The following SUGT1 variants were observed in gnomAD, a reference collection of about 807,000 sequenced individuals.
SUGT1 encodes protein SGT1 homolog.
SUGT1 carries 15 observed loss-of-function variants against 56.1 expected under a neutral mutation model. The observed-to-expected ratio is 0.27, with a 90% CI of 0.18 to 0.41. The LOEUF is 0.41. Among genes scored for constraint, SUGT1 ranks in the 10% least tolerant of loss-of-function variants. The probability of loss-of-function intolerance (pLI) is 1.00; values close to 1 mark genes in which losing one functional copy is unlikely to be tolerated. For missense variants in SUGT1, 347 were observed against 382.2 expected, an observed-to-expected ratio of 0.91 and a Z score of 0.77; for synonymous variants, 123 against 128.6, an observed-to-expected ratio of 0.96 and a Z score of 0.30.
intron 9 of SUGT1, among the ~76,000 whole-genome samples, chr13:52,666,268 G>T (rs1458624326): frequency 3.9e-5 from 6 of 151,988 alleles, no homozygotes; most frequent in Non-Finnish European, 7.4e-5. Context: ...GTAGAAACGG[G>T]GTTTCACCAT....
At chr13:52,654,603 T>G (rs1040623822) in intron 2 of SUGT1, among the ~76,000 whole-genome samples, 1 of 152,260 alleles carries the variant, frequency 6.6e-6, no homozygotes, top group African/African-American at 2.4e-5. Flanking sequence ...GTAATTCTTC[T>G]TACTGTCCTG....
At chr13:52,676,953 A>G (rs1252729525) in intron 11 of SUGT1, among the ~76,000 whole-genome samples, 1 of 152,220 alleles carries the variant, frequency 6.6e-6, no homozygotes, top group African/African-American at 2.4e-5. Flanking sequence ...CTAGTGGACA[A>G]ATTCACAGCA....
chr13:52,683,317 C>T (rs59538785), intron 12 of SUGT1, among the ~76,000 whole-genome samples: 2,343 of 152,166 alleles, frequency 0.015, 62 homozygotes, highest in African/African-American at 0.053. Flanking sequence ...TTATCATTAA[C>T]TTTCAATATT....
At chr13:52,675,923 A>ATTC (rs1335076441) in intron 10 of SUGT1, among the ~76,000 whole-genome samples, 1 of 152,144 alleles carries the variant, frequency 6.6e-6, no homozygotes, top group African/African-American at 2.4e-5. Flanking sequence ...ACATGGCTAA[A>ATTC]TGTCCCCTGG....
rs558512220 is a variant in SUGT1 at position 52,700,786 on chromosome 13, T to G, written c.*12951T>G. 1 of 152,280 alleles carries G rather than the reference T, an allele frequency of 6.6e-6. No homozygotes were observed. The highest frequency in any genetic ancestry group is 2.4e-5 in the African/African-American group (1 of 41,550). 9.4% of individuals were successfully genotyped at this position (152,280 alleles called of 1,614,324 possible). ...GTGACCATTTTTATAAAATACATGT[T>G]CATAAAACAGATCAACATATTTAGC... On this transcript the variant is annotated 3_prime_UTR_variant, in exon 13 of 13. Transcript: ENST00000310528.
intron 10 of SUGT1, 146 bp downstream of exon 10, chr13:52,667,065 TA>T: frequency 1.7e-6 from 1 of 587,854 alleles, no homozygotes; most frequent in Non-Finnish European, 2.9e-6. Context: ...CTTTTGAGTA[TA>T]AGGGTTATTT....
At chr13:52,687,641 TA>T in intron 12 of SUGT1, 92 bp from the exon 13 acceptor site, 1 of 855,906 alleles carries the variant, frequency 1.2e-6, no homozygotes, top group East Asian at 2.8e-5. Context: ...TAATAGCCAA[TA>T]TTTGGGGCTC....
Position 52,689,872 on chromosome 13 carries a change from G to A in SUGT1, c.*2037G>A, listed in dbSNP as rs752822881. On this transcript the variant is annotated 3_prime_UTR_variant, in exon 13 of 13. Transcript: ENST00000310528. ...TAGTCCCAGCTACTTGGGAGGCTCA[G>A]GCAGGGAGAATTGCTTGAACCGGGA... 1 of 152,042 alleles carries A rather than the reference G, an allele frequency of 6.6e-6. No individual in the cohort carries two copies. The highest frequency in any genetic ancestry group is 2.1e-4 in the South Asian group (1 of 4,814). 9.4% of individuals were successfully genotyped at this position (152,042 alleles called of 1,614,324 possible).
At chr13:52,674,235 A>G (rs1209974886) in intron 10 of SUGT1, among the ~76,000 whole-genome samples, 2 of 151,918 alleles carry the variant, frequency 1.3e-5, no homozygotes, top group African/African-American at 2.4e-5. Flanking sequence ...TATTTTTAGT[A>G]GAGACAGGGT....
chr13:52,686,117 G>A (rs1963579362), intron 12 of SUGT1, among the ~76,000 whole-genome samples: 1 of 151,904 alleles, frequency 6.6e-6, no homozygotes, highest in African/African-American at 2.4e-5. Flanking sequence ...TAGTAGAGAT[G>A]GAGTTTCACC....
intron 10 of SUGT1, among the ~76,000 whole-genome samples, chr13:52,671,136 C>T (rs1334988224): frequency 2.6e-5 from 4 of 151,542 alleles, no homozygotes; most frequent in Non-Finnish European, 5.9e-5. Flanking sequence ...TTCTGCTTGT[C>T]TGAATACATA....
chr13:52,670,812 C>G (rs902712673), intron 10 of SUGT1, among the ~76,000 whole-genome samples: 1 of 151,876 alleles, frequency 6.6e-6, no homozygotes, highest in African/African-American at 2.4e-5. Context: ...GACTCCGTCT[C>G]CAAAAGAAAA....
intron 2 of SUGT1, among the ~76,000 whole-genome samples, chr13:52,653,318 A>G (rs919384290): frequency 4.0e-5 from 6 of 151,628 alleles, no homozygotes; most frequent in Admixed American, 2.0e-4. Context: ...TCCACTCCCT[A>G]CAGCTCCTGA....
chr13:52,665,887 G>T (rs1242349188), intron 9 of SUGT1, among the ~76,000 whole-genome samples, 154 bp downstream of exon 9: 1 of 152,156 alleles, frequency 6.6e-6, no homozygotes, highest in African/African-American at 2.4e-5. Flanking sequence ...TTGCTTTGAG[G>T]TAAGAATATG....
intron 12 of SUGT1, among the ~76,000 whole-genome samples, chr13:52,684,021 C>T (rs1408764132): frequency 6.6e-6 from 1 of 152,196 alleles, no homozygotes; most frequent in African/African-American, 2.4e-5. Flanking sequence ...GCTGGGACTA[C>T]AGGCATGTGC....
rs2138194824 is a variant in SUGT1, at chr13:52,694,796, C to G, written c.*6961C>G. The G allele has an allele frequency of 2.0e-5, 3 of 152,436 alleles. No homozygotes were observed. The highest frequency in any genetic ancestry group is 3.4e-3 in the Middle Eastern group (1 of 294). 9.4% of individuals were successfully genotyped at this position (152,436 alleles called of 1,614,324 possible). On this transcript the variant is annotated 3_prime_UTR_variant, in exon 13 of 13. Transcript: ENST00000310528. ...GCTCCGCCTCCCGGTTCACGCCATT[C>G]TCATGCCTCAGCCTCCCAAGTAGCT...
chr13:52,664,754 G>T (rs959342837), intron 8 of SUGT1, among the ~76,000 whole-genome samples: 3 of 152,204 alleles, frequency 2.0e-5, no homozygotes, highest in African/African-American at 7.2e-5. Context: ...GTACCTAGTA[G>T]ATAAGGAACT....
chr13:52,659,253 A>G lies in SUGT1; in HGVS notation c.328+4A>G. ...ACAGAAGGACAAAAATTAGATAGTA[A>G]GTATTAAAAATTATACTTTAATAAA... On this transcript the variant is annotated splice_donor_region_variant and intron_variant, in intron 5 of 12. Coordinates refer to ENST00000310528, the MANE Select transcript of SUGT1 (RefSeq NM_006704.5). 1 of 1,453,294 alleles carries G rather than the reference A, an allele frequency of 6.9e-7. No homozygotes were observed. Among genetic ancestry groups the G allele is most frequent in the Non-Finnish European group, 9.1e-7 (1 of 1,095,976 alleles). 90.0% of individuals were successfully genotyped at this position (1,453,294 alleles called of 1,614,324 possible). A position where few individuals can be genotyped will look rare whatever the true frequency, so the allele number is the denominator to read the frequency against.
At chr13:52,667,701 T>C (rs1228898495) in intron 10 of SUGT1, among the ~76,000 whole-genome samples, 2 of 152,188 alleles carry the variant, frequency 1.3e-5, no homozygotes, top group African/African-American at 2.4e-5. Context: ...ACAGAATTAA[T>C]ATTCAGAGAG....
Sources: gnomAD v4.1 joint callset for allele counts (sites outside exome capture counted in the v4.1 genomes callset) on GRCh38, gnomAD v4.1.1 for gene constraint, MANE v1.5 for transcripts, NCBI Gene and HGNC (gene_info 2026-07-23, HGNC 2026-07-21) for gene names.